SLC15A5: variants seen among roughly 807,000 people sequenced by gnomAD.
SLC15A5 encodes solute carrier family 15 member 5, also known as Peptide/histidine transporter ENSP00000340402.
In SLC15A5, 58 loss-of-function variants were observed where a neutral mutation model predicts 56.1. The observed-to-expected ratio is 1.03, with a 90% confidence interval of 0.84 to 1.29. The LOEUF (loss-of-function observed/expected upper bound fraction) is 1.29, where lower values mean the gene tolerates loss of function less well. Ranked by LOEUF, SLC15A5 falls within the 50% of genes most tolerant of loss-of-function variation. The pLI, the probability that SLC15A5 is intolerant of heterozygous loss-of-function variation, is 0.00. For missense variants in SLC15A5, 681 were observed against 672.1 expected, an observed-to-expected ratio of 1.01 and a Z score of -0.15; for synonymous variants, 264 against 250.5, an observed-to-expected ratio of 1.05 and a Z score of -0.51.
At chr12:16,264,651 G>A (rs1864675896) in intron 2 of SLC15A5, among the ~76,000 whole-genome samples, 1 of 152,194 alleles carries the variant, frequency 6.6e-6, no homozygotes, top group African/African-American at 2.4e-5. Flanking sequence ...TCCACATGTT[G>A]TGGGAGGGAC....
intron 7 of SLC15A5, among the ~76,000 whole-genome samples, chr12:16,214,586 C>T (rs180699787): frequency 7.9e-5 from 12 of 152,190 alleles, no homozygotes; most frequent in Admixed American, 7.2e-4. Context: ...GGTAAAGTCT[C>T]AACAGAAACA....
intron 5 of SLC15A5, among the ~76,000 whole-genome samples, chr12:16,239,134 G>A (rs1333802736): frequency 6.6e-6 from 1 of 152,172 alleles, no homozygotes; most frequent in African/African-American, 2.4e-5. Context: ...AAGACAGGCA[G>A]AGGAGAATAT....
intron 3 of SLC15A5, among the ~76,000 whole-genome samples, chr12:16,254,418 A>G (rs1315043583): frequency 6.6e-6 from 1 of 152,168 alleles, no homozygotes; most frequent in Non-Finnish European, 1.5e-5. Context: ...TAACAATATG[A>G]ATATACTTAA....
chr12:16,227,566 C>T (rs185842950), intron 5 of SLC15A5, among the ~76,000 whole-genome samples: 4 of 152,228 alleles, frequency 2.6e-5, no homozygotes, highest in Admixed American at 1.3e-4. Flanking sequence ...AAGCAGCACA[C>T]GTGGCATGAG....
At chr12:16,220,514 C>A (rs144733701) in intron 6 of SLC15A5, among the ~76,000 whole-genome samples, 25 of 152,346 alleles carry the variant, frequency 1.6e-4, no homozygotes, top group Non-Finnish European at 3.2e-4. Flanking sequence ...GTACCTCAGA[C>A]CAGTGGTTGG....
Position 16,210,880 on chromosome 12 carries a change from G to A in SLC15A5, c.1483+6013C>T, listed in dbSNP as rs559733996. The stretch of plus-strand genomic sequence containing the variant: ...CATCAGGGGTTTCTGTGGAGTAAAA[G>A]GTTAATGATATAGAATAAATTGTAT... On this transcript the variant is annotated intron_variant, in intron 7 of 8. Transcript: ENST00000344941. Among the ~76,000 whole-genome samples the A allele has an allele frequency of 1.1e-4, 16 of 152,280 alleles. 1 individual carries two copies. In the South Asian group the frequency reaches 2.9e-3, roughly 28 times the overall value.
chr12:16,195,624 G>A (rs117403472), intron 7 of SLC15A5, among the ~76,000 whole-genome samples: 1 of 152,084 alleles, frequency 6.6e-6, no homozygotes, highest in Admixed American at 6.6e-5. Context: ...TGAAGAGGGT[G>A]TGGGACCAGA....
At position 16,235,032 on chromosome 12, in the gene SLC15A5, A is replaced by T. The variant is rs991613602; in HGVS notation, c.1162+4649T>A. 6.6e-6 allele frequency among the ~76,000 whole-genome samples: 1 copy of T among 151,938 alleles called. No homozygotes were observed. The highest frequency in any genetic ancestry group is 2.1e-4 in the South Asian group (1 of 4,826). On this transcript the variant is annotated intron_variant, in intron 5 of 8. Transcript: ENST00000344941. The surrounding 1 kb of genome is among the most constrained non-coding windows in gnomAD (Gnocchi z 4.1). ...TCCATGATTTTGGCAAATTCCCAGG[A>T]TAGGAAATTTGCTCAGTGTTAATAT...
intron 7 of SLC15A5, among the ~76,000 whole-genome samples, chr12:16,215,823 T>C (rs1864126031): frequency 6.6e-6 from 1 of 152,224 alleles, no homozygotes; most frequent in African/African-American, 2.4e-5. Context: ...CTATCTATCA[T>C]TGGCTTTTTC....
chr12:16,202,962 TG>T (rs990460040), intron 7 of SLC15A5, among the ~76,000 whole-genome samples: 1 of 151,550 alleles, frequency 6.6e-6, no homozygotes, highest in Non-Finnish European at 1.5e-5. Context: ...AAGGCTGAAG[TG>T]GGGAAGGGGA....
chr12:16,266,129 T>C (rs1864693844), intron 2 of SLC15A5, among the ~76,000 whole-genome samples: 1 of 152,162 alleles, frequency 6.6e-6, no homozygotes, highest in Non-Finnish European at 1.5e-5. Context: ...GTAGGTGAGG[T>C]ACAAAAAGTT....
At chr12:16,199,190 T>G (rs1308576605) in intron 7 of SLC15A5, among the ~76,000 whole-genome samples, 1 of 151,802 alleles carries the variant, frequency 6.6e-6, no homozygotes, top group African/African-American at 2.4e-5. Context: ...GCTTGTTCAC[T>G]GTATGCCTGA....
At position 16,196,629 on chromosome 12, in the gene SLC15A5, G is replaced by A. The variant is rs1422579386; in HGVS notation, c.1484-2176C>T. ...TTCACATCAGCACTTTGCATGTCAT[G>A]CGATTATACCTTTTTATCACCATGT... On this transcript the variant is annotated intron_variant, in intron 7 of 8. Transcript: ENST00000344941. This position sits in a 1 kb window ranked among gnomAD's most constrained non-coding sequence, Gnocchi z 4.0. Among the ~76,000 whole-genome samples the A allele has an allele frequency of 6.6e-6, 1 of 152,000 alleles. No individual in the cohort carries two copies. Among genetic ancestry groups the A allele is most frequent in the Non-Finnish European group, 1.5e-5 (1 of 67,994 alleles).
At chr12:16,222,825 A>G (rs1864201020) in intron 6 of SLC15A5, among the ~76,000 whole-genome samples, 1 of 152,186 alleles carries the variant, frequency 6.6e-6, no homozygotes, top group Non-Finnish European at 1.5e-5. Flanking sequence ...TATTTACTCT[A>G]TACCAGCCCA....
chr12:16,256,278 G>A (rs866466851), intron 3 of SLC15A5, among the ~76,000 whole-genome samples: 2 of 152,124 alleles, frequency 1.3e-5, no homozygotes, highest in African/African-American at 4.8e-5. Flanking sequence ...AGTAAAAGAG[G>A]AAGAAATATA....
At chr12:16,221,786 A>C (rs1375268479) in intron 6 of SLC15A5, among the ~76,000 whole-genome samples, 1 of 152,146 alleles carries the variant, frequency 6.6e-6, no homozygotes, top group Non-Finnish European at 1.5e-5. Flanking sequence ...GGTGTTGTAC[A>C]CCAGGAGAAC....
At chr12:16,211,612 T>C (rs531450804) in intron 7 of SLC15A5, among the ~76,000 whole-genome samples, 1 of 152,218 alleles carries the variant, frequency 6.6e-6, no homozygotes, top group South Asian at 2.1e-4. Flanking sequence ...AGGTTTAAGT[T>C]CGAATTCATG....
In SLC15A5 at chr12:16,224,473, A is replaced by G; in HGVS notation, c.1292T>C (p.Phe431Ser). 1 of 1,537,318 alleles carries G rather than the reference A, an allele frequency of 6.5e-7. No homozygotes were observed. Among genetic ancestry groups the G allele is most frequent in the Non-Finnish European group, 8.7e-7 (1 of 1,146,916 alleles). Residue 431 changes from phenylalanine to serine, a missense_variant, in exon 6 of 9, where the codon TTC (phenylalanine) becomes TCC (serine). Physicochemically the swap from Phe to Ser is radical, Grantham distance 155 (BLOSUM62 -2). Transcript: ENST00000344941. ...TAAAACATACTGAAGAATCAGGTAG[A>G]AACAGGGCATGGAGGAAACAGTGAG... ...KVLTVSSMPCFYLILQYVLLG... is the reference protein window; with the variant it reads ...KVLTVSSMPCSYLILQYVLLG...
chr12:16,249,375 C>T (rs1526976), intron 3 of SLC15A5, among the ~76,000 whole-genome samples: 77,470 of 151,862 alleles, frequency 0.51, 20,111 homozygotes, highest in South Asian at 0.64. Flanking sequence ...ATAAGGATTA[C>T]ACACCTCACT....
Sources: gnomAD v4.1 joint callset for allele counts (sites outside exome capture counted in the v4.1 genomes callset) on GRCh38, gnomAD v4.1.1 for gene constraint, Gnocchi (gnomAD v3.1) non-coding constraint, MANE v1.5 for transcripts, NCBI Gene and HGNC (gene_info 2026-07-23, HGNC 2026-07-21) for gene names.